SLC22A16: variants seen among roughly 807,000 people sequenced by gnomAD.
The protein encoded by SLC22A16 is WUGSC:RG331P03.1.
In SLC22A16, 53 loss-of-function variants were observed where a neutral mutation model predicts 52.9. The observed-to-expected ratio is 1.00, with a 90% CI of 0.80 to 1.26. The LOEUF (loss-of-function observed/expected upper bound fraction) is 1.26. Ranked by LOEUF, SLC22A16 falls within the 50% of genes most tolerant of loss-of-function variation. The pLI, the probability that SLC22A16 is intolerant of heterozygous loss-of-function variation, is 0.00. For synonymous variants in SLC22A16, 291 were observed against 268.8 expected (o/e 1.08, Z -0.81); for missense variants, 726 against 704.0 (o/e 1.03, Z -0.35).
chr6:110,466,349 C>A (rs1472958392), intron 1 of SLC22A16, among the ~76,000 whole-genome samples: 1 of 152,010 alleles, frequency 6.6e-6, no homozygotes, highest in African/African-American at 2.4e-5. Context: ...GAGTACATAA[C>A]CTACAGAATG....
At chr6:110,465,184 A>T (rs1300702603) in intron 1 of SLC22A16, among the ~76,000 whole-genome samples, 2 of 152,112 alleles carry the variant, frequency 1.3e-5, no homozygotes, top group African/African-American at 4.8e-5. Context: ...ACCCGTAGCC[A>T]ACATCATACT....
At chr6:110,458,445 C>T (rs1350388389) in intron 1 of SLC22A16, among the ~76,000 whole-genome samples, 1 of 152,176 alleles carries the variant, frequency 6.6e-6, no homozygotes, top group Non-Finnish European at 1.5e-5. Flanking sequence ...ACCCACAGAC[C>T]CTGTAAGGCT....
chr6:110,457,932 C>G (rs921947209), intron 1 of SLC22A16, among the ~76,000 whole-genome samples: 2 of 152,186 alleles, frequency 1.3e-5, no homozygotes, highest in Admixed American at 6.5e-5. Flanking sequence ...TCTACTCCAC[C>G]ACCTCTTGTG....
chr6:110,435,611 C>T (rs981463192), intron 6 of SLC22A16, among the ~76,000 whole-genome samples: 3 of 152,136 alleles, frequency 2.0e-5, no homozygotes, highest in African/African-American at 7.2e-5. Flanking sequence ...GTCTATGGTA[C>T]TTGAAACTTA....
intron 3 of SLC22A16, 34 bp downstream of exon 3, chr6:110,446,839 C>A: frequency 6.4e-7 from 1 of 1,561,442 alleles, no homozygotes; most frequent in Non-Finnish European, 8.7e-7. Flanking sequence ...TGAAAAACTG[C>A]AGCAGAATTA....
chr6:110,463,511 C>G (rs1314874220), intron 1 of SLC22A16, among the ~76,000 whole-genome samples: 2 of 3,514 alleles, frequency 5.7e-4, no homozygotes, highest in Admixed American at 3.0e-3. Flanking sequence ...AAAGTAACAA[C>G]AGTAAAAAAA....
At chr6:110,454,664 TA>T (rs1180847307) in intron 2 of SLC22A16, among the ~76,000 whole-genome samples, 1,468 of 47,502 alleles carry the variant, frequency 0.031, 15 homozygotes, top group Non-Finnish European at 0.037. Flanking sequence ...ATATTATATA[TA>T]TTTATATATA....
chr6:110,456,680 A>T lies in SLC22A16; in HGVS notation c.391T>A (p.Tyr131Asn). Reference protein sequence around the residue: ...KEFPCVDGYIYDQNTWKSTAV... With the variant: ...KEFPCVDGYINDQNTWKSTAV... ...GTGCTTTTCCATGTGTTCTGGTCAT[A>T]TATGTAGCCATCCACACAAGGAAAC... Residue 131 changes from tyrosine (Y) to asparagine (N), a missense_variant, in exon 2 of 8, where the codon TAT becomes AAT. Transcript: ENST00000368919. 6.2e-7 allele frequency: 1 copy of T among 1,614,142 alleles called. No homozygotes were observed. Among genetic ancestry groups the T allele is most frequent in the Non-Finnish European group, 8.5e-7 (1 of 1,180,020 alleles).
intron 1 of SLC22A16, among the ~76,000 whole-genome samples, chr6:110,475,424 C>T (rs993194485): frequency 6.6e-6 from 1 of 152,210 alleles, no homozygotes; most frequent in Admixed American, 6.5e-5. Context: ...CGGCTTATGA[C>T]CGAGCCAGGC....
intron 2 of SLC22A16, among the ~76,000 whole-genome samples, chr6:110,452,051 T>G (rs929728411): frequency 1.3e-5 from 2 of 152,212 alleles, no homozygotes; most frequent in African/African-American, 4.8e-5. Context: ...TGCCTATGTG[T>G]CTATACTTAT....
intron 3 of SLC22A16, among the ~76,000 whole-genome samples, chr6:110,445,264 G>T (rs1775125425): frequency 1.3e-5 from 2 of 151,832 alleles, no homozygotes; most frequent in Non-Finnish European, 2.9e-5. Flanking sequence ...TCTCATCTCA[G>T]GGCCCTTTCA....
Position 110,431,174 on chromosome 6 carries a change from T to C in SLC22A16, c.1518A>G (p.Pro506=). The part of the protein sequence containing the change: ...VDLSSIWIFI[P]QLFVGTMALL... ...GGGTCTGCAAACTGAAGCACACCTGTGGTATGAAGATCCAAATGCTGCTGA... is the reference window on the plus strand; with the variant it reads ...GGGTCTGCAAACTGAAGCACACCTGCGGTATGAAGATCCAAATGCTGCTGA... Residue 506 remains proline (P), a synonymous_variant, in exon 7 of 8, where the codon CCA becomes CCG. Transcript: ENST00000368919. The C allele has an allele frequency of 5.6e-6, 9 of 1,613,664 alleles. No individual in the cohort carries two copies. The highest frequency in any genetic ancestry group is 7.6e-6 in the Non-Finnish European group (9 of 1,179,800).
At chr6:110,451,883 G>A (rs1391249953) in intron 2 of SLC22A16, among the ~76,000 whole-genome samples, 2 of 152,006 alleles carry the variant, frequency 1.3e-5, no homozygotes, top group African/African-American at 2.4e-5. Flanking sequence ...TCCTAAAATC[G>A]TATAGTTTTG....
intron 1 of SLC22A16, among the ~76,000 whole-genome samples, chr6:110,472,375 C>T (rs916722): frequency 0.17 from 25,707 of 152,008 alleles, 2,826 homozygotes; most frequent in African/African-American, 0.3. Context: ...TTGCCCCACT[C>T]GCTGCCCCTC....
rs1554229887 is a variant in SLC22A16, at chr6:110,476,507, G to GCCCCCCCCCC, written c.53+14_53+15insGGGGGGGGGG. The stretch of plus-strand genomic sequence containing the variant: ...GCCGCCTCCCGCGTGGCGCCGCGGG[G>GCCCCCCCCCC]CCCCTCCCCCATACCTGCCGAAGTG... On this transcript the variant is annotated intron_variant, in intron 1 of 7. Coordinates refer to ENST00000368919, the MANE Select transcript of SLC22A16 (RefSeq NM_033125.4). The GCCCCCCCCCC allele has an allele frequency of 6.5e-6, 7 of 1,072,982 alleles. No individual in the cohort carries two copies. In the African/African-American group the frequency reaches 1.7e-4, roughly 26 times the overall value. The allele number at this position is 1,072,982 out of a possible 1,614,324, so 66.5% of individuals were successfully genotyped here. A position where few individuals can be genotyped will look rare whatever the true frequency, so the allele number is the denominator to read the frequency against.
intron 1 of SLC22A16, among the ~76,000 whole-genome samples, chr6:110,465,490 A>G (rs1328285780): frequency 1.3e-5 from 2 of 152,094 alleles, no homozygotes; most frequent in African/African-American, 4.8e-5. Flanking sequence ...TTGCATTTCT[A>G]TACAACACTC....
intron 1 of SLC22A16, among the ~76,000 whole-genome samples, chr6:110,468,655 A>AC (rs1230821488): frequency 2.0e-5 from 3 of 151,068 alleles, no homozygotes; most frequent in African/African-American, 7.3e-5. Flanking sequence ...CAAAAAAAAA[A>AC]AAAACAAAAT....
intron 1 of SLC22A16, among the ~76,000 whole-genome samples, chr6:110,467,178 C>T (rs1338195524): frequency 6.6e-6 from 1 of 152,118 alleles, no homozygotes; most frequent in African/African-American, 2.4e-5. Context: ...TCATACTCCT[C>T]TCTCTCTGCG....
Position 110,424,923 on chromosome 6 carries a change from GC to G in SLC22A16, c.1683del (p.Leu562TrpfsTer24). On this transcript the variant is annotated frameshift_variant, in exon 8 of 8. Transcript: ENST00000368919. LOFTEE classifies it low-confidence loss of function (END_TRUNC). ...SKLLLTTNNS[G>X]LEKTEAITPR... ...GGGGTAATCGCTTCCGTTTTTTCCA[GC>G]CCACTATTATTAGTTGTGAGAAGTA... The G allele has an allele frequency of 6.2e-7, 1 of 1,614,036 alleles. No individual in the cohort carries two copies. Among genetic ancestry groups the G allele is most frequent in the Non-Finnish European group, 8.5e-7 (1 of 1,180,006 alleles).
Sources: gnomAD v4.1 joint callset for allele counts (sites outside exome capture counted in the v4.1 genomes callset) on GRCh38, gnomAD v4.1.1 for gene constraint, MANE v1.5 for transcripts, NCBI Gene and HGNC (gene_info 2026-07-23, HGNC 2026-07-21) for gene names.